The following RIPPLY2 variants were observed in gnomAD, a reference collection of about 807,000 sequenced individuals.
RIPPLY2 encodes protein ripply2.
Under a neutral mutation model 17.7 loss-of-function variants are expected in RIPPLY2, and 20 were observed. The ratio of observed to expected loss-of-function variants is 1.13; its 90% CI spans 0.79 to 1.64. The LOEUF (loss-of-function observed/expected upper bound fraction) is 1.64. Ranked by LOEUF, RIPPLY2 falls within the 40% of genes most tolerant of loss-of-function variation. The pLI, the probability that RIPPLY2 is intolerant of heterozygous loss-of-function variation, is 0.00. For missense variants in RIPPLY2, 213 were observed against 169.8 expected (o/e 1.25, Z -1.41); for synonymous variants, 69 against 63.9 (o/e 1.08, Z -0.38).
chr6:83,853,624 C>T (rs370111313), intron 1 of RIPPLY2, 71 bp from the exon 2 acceptor site: 4 of 1,566,436 alleles, frequency 2.6e-6, no homozygotes, highest in Admixed American at 2.0e-5. Flanking sequence ...TGCCAGCGCT[C>T]GGCTTCGGTG....
Position 83,857,225 on chromosome 6 carries a change from T to C in RIPPLY2, c.240-17T>C. On this transcript the variant is annotated splice_polypyrimidine_tract_variant and intron_variant, in intron 3 of 3. Transcript: ENST00000369689. ...CCTGAATGTGAAAAAATAAAACATG[T>C]TGTCTGCTTCTTTCAGACTATTTTG... is the stretch of plus-strand genomic sequence containing the variant. 1 of 1,448,280 alleles carries C rather than the reference T, an allele frequency of 6.9e-7. No homozygotes were observed. The highest frequency in any genetic ancestry group is 9.1e-7 in the Non-Finnish European group (1 of 1,094,906). The allele number at this position is 1,448,280 out of a possible 1,614,324, so 89.7% of individuals were successfully genotyped here.
intron 3 of RIPPLY2, chr6:83,854,421 T>G (rs1047325758): frequency 3.8e-6 from 2 of 532,908 alleles, no homozygotes; most frequent in Non-Finnish European, 6.7e-6. Context: ...GATGATATGG[T>G]AAGAGAGCGG....
chr6:83,853,969 C>A, intron 2 of RIPPLY2, 128 bp from the exon 3 acceptor site: 3 of 1,078,364 alleles, frequency 2.8e-6, no homozygotes, highest in South Asian at 1.4e-5. Context: ...AGGCACCCAG[C>A]CGGGAGCGAG....
At chr6:83,853,325 AG>A (rs2099454471), upstream of RIPPLY2, 1 of 977,590 alleles carries the variant, frequency 1.0e-6, no homozygotes, top group Non-Finnish European at 1.5e-6. Context: ...GCAGGCCGCG[AG>A]GGCTATATAA....
intron 1 of RIPPLY2, 39 bp downstream of exon 1, chr6:83,853,550 C>T (rs774028187): frequency 2.5e-5 from 38 of 1,535,648 alleles, no homozygotes; most frequent in Non-Finnish European, 3.2e-5. Context: ...CCCAGCTTCC[C>T]CCGTCTCTCC....
intron 1 of RIPPLY2, 37 bp downstream of exon 1, chr6:83,853,548 C>T: frequency 6.5e-7 from 1 of 1,536,038 alleles, no homozygotes; most frequent in East Asian, 2.4e-5. Context: ...CTCCCAGCTT[C>T]CCCCGTCTCT....
At chr6:83,854,271 T>C in intron 3 of RIPPLY2, 110 bp downstream of exon 3, 5 of 863,554 alleles carry the variant, frequency 5.8e-6, no homozygotes, top group African/African-American at 1.7e-5. Flanking sequence ...TCTCTCTCTC[T>C]CTGAAAATCT....
chr6:83,854,161 G>T lies in RIPPLY2; in HGVS notation c.239G>T (p.Arg80Ile). The T allele has an allele frequency of 1.2e-6, 2 of 1,613,838 alleles. No homozygotes were observed. Among genetic ancestry groups the T allele is most frequent in the Non-Finnish European group, 1.7e-6 (2 of 1,179,780 alleles). Reference protein sequence around the residue: ...GKLYQFRHPVRLFWPKSKCYD... With the variant: ...GKLYQFRHPVILFWPKSKCYD... ...CTTTACCAATTCAGGCACCCAGTCAGGTGAGTGACAGGCCTCGCCGAAGGT... is the reference window on the plus strand; with the variant it reads ...CTTTACCAATTCAGGCACCCAGTCATGTGAGTGACAGGCCTCGCCGAAGGT... Residue 80 changes from arginine to isoleucine, a missense_variant and splice_region_variant, in exon 3 of 4, where the codon AGA becomes ATA. Arg to Ile is a moderately conservative substitution (Grantham distance 97). Coordinates refer to ENST00000369689, the MANE Select transcript of RIPPLY2 (RefSeq NM_001009994.3).
chr6:83,854,430 G>C, intron 3 of RIPPLY2: 1 of 511,478 alleles, frequency 2.0e-6, no homozygotes, highest in South Asian at 2.8e-5. Context: ...GTAAGAGAGC[G>C]GTGACATCTT....
chr6:83,854,245 C>G, intron 3 of RIPPLY2, 84 bp downstream of exon 3: 1 of 1,083,684 alleles, frequency 9.2e-7, no homozygotes. Flanking sequence ...AGCTCCGCAG[C>G]TGGTCCTGCA....
At chr6:83,853,574 C>T (rs1421482775) in intron 1 of RIPPLY2, 63 bp downstream of exon 1, 13 of 1,532,078 alleles carry the variant, frequency 8.5e-6, no homozygotes, top group Non-Finnish European at 1.1e-5. Flanking sequence ...CTGCGCCTCC[C>T]CAGCTCCTCC....
At chr6:83,853,869 A>G (rs952153847) in intron 2 of RIPPLY2, 96 bp downstream of exon 2, 1 of 1,173,180 alleles carries the variant, frequency 8.5e-7, no homozygotes, top group East Asian at 2.4e-5. Flanking sequence ...CATGCGAGAC[A>G]CCGGGTCCTG....
chr6:83,853,989 A>C, intron 2 of RIPPLY2, 108 bp from the exon 3 acceptor site: 1 of 1,171,446 alleles, frequency 8.5e-7, no homozygotes, highest in Non-Finnish European at 1.3e-6. Context: ...GGCTGCTGAG[A>C]GCCCTGGGGT....
rs2099454563 is a variant in RIPPLY2, at chr6:83,853,735, A to G, written c.136A>G (p.Lys46Glu). 4 of 1,613,596 alleles carry G rather than the reference A, an allele frequency of 2.5e-6. No homozygotes were observed. Among genetic ancestry groups the G allele is most frequent in the South Asian group, 2.2e-5 (2 of 91,048 alleles). ...GAGACCCTGGGTGGACGCCGGAGGC[A>G]AGAAAGAAGAGGAGACGCCGAACCA... Reference protein sequence around the residue: ...FWRPWVDAGGKKEEETPNHAA... With the variant: ...FWRPWVDAGGEKEEETPNHAA... Residue 46 changes from lysine (K) to glutamate (E), a missense_variant, in exon 2 of 4, where the codon AAG (lysine) becomes GAG (glutamate). Physicochemically the swap from Lys to Glu is moderately conservative, Grantham distance 56. Coordinates refer to ENST00000369689, the MANE Select transcript of RIPPLY2 (RefSeq NM_001009994.3).
Position 83,857,452 on chromosome 6 carries a change from A to G in RIPPLY2, c.*63A>G, listed in dbSNP as rs2099455166. 2 of 1,025,992 alleles carry G rather than the reference A, an allele frequency of 1.9e-6. No homozygotes were observed. Among genetic ancestry groups the G allele is most frequent in the African/African-American group, 1.7e-5 (1 of 59,686 alleles). The allele number at this position is 1,025,992 out of a possible 1,614,324, so 63.6% of individuals were successfully genotyped here. A position where few individuals can be genotyped will look rare whatever the true frequency, so the allele number is the denominator to read the frequency against. On this transcript the variant is annotated 3_prime_UTR_variant, in exon 4 of 4. Transcript: ENST00000369689. The stretch of plus-strand genomic sequence containing the variant: ...GGGTTTAAATTTAGTGTACAAATGT[A>G]TCATAATTATTTTAAACTAATTTAT...
In RIPPLY2 at chr6:83,857,263, A is replaced by G; in HGVS notation, c.261A>G (p.Lys87=). Residue 87 remains lysine, a synonymous_variant, in exon 4 of 4, where the codon AAA becomes AAG. Transcript: ENST00000369689. ...HPVRLFWPKS[K]CYDYLYQEAE... is the part of the protein sequence containing the mutation. The stretch of plus-strand genomic sequence containing the variant: ...TCAGACTATTTTGGCCAAAATCAAA[A>G]TGTTATGATTACTTATATCAAGAAG... The G allele has an allele frequency of 6.6e-7, 1 of 1,513,046 alleles. No homozygotes were observed. The highest frequency in any genetic ancestry group is 8.8e-7 in the Non-Finnish European group (1 of 1,132,400). 93.7% of individuals were successfully genotyped at this position (1,513,046 alleles called of 1,614,324 possible).
intron 1 of RIPPLY2, 25 bp downstream of exon 1, chr6:83,853,536 G>C (rs771322458): frequency 6.5e-7 from 1 of 1,535,870 alleles, no homozygotes; most frequent in Admixed American, 2.1e-5. Context: ...GCTGCTCTGC[G>C]CCTCCCAGCT....
chr6:83,857,275 C>A lies in RIPPLY2; in HGVS notation c.273C>A (p.Tyr91Ter). 1.3e-6 allele frequency: 2 copies of A among 1,537,936 alleles called. No individual in the cohort carries two copies. Among genetic ancestry groups the A allele is most frequent in the Non-Finnish European group, 1.7e-6 (2 of 1,145,678 alleles). ...GGCCAAAATCAAAATGTTATGATTA[C>A]TTATATCAAGAAGCAGAAGCTCTTC... The part of the protein sequence containing the change: ...LFWPKSKCYD[Y>*]LYQEAEALLK... Residue 91 changes from tyrosine (Y) to a stop codon, truncating the protein, a stop_gained, in exon 4 of 4, where the codon TAC becomes TAA. Coordinates refer to ENST00000369689, the MANE Select transcript of RIPPLY2 (RefSeq NM_001009994.3). LOFTEE classifies it high-confidence loss of function.
At chr6:83,854,195 C>T in intron 3 of RIPPLY2, 34 bp downstream of exon 3, 2 of 1,579,160 alleles carry the variant, frequency 1.3e-6, no homozygotes, top group East Asian at 2.2e-5. Context: ...GTCTCCCGCT[C>T]CTCCAGCCCC....
Sources: allele counts gnomAD v4.1 joint callset, GRCh38; gene constraint gnomAD v4.1.1; transcripts MANE v1.5; gene names NCBI Gene and HGNC (gene_info 2026-07-23, HGNC 2026-07-21).